ROBO3: variants seen among roughly 807,000 people sequenced by gnomAD.
ROBO3 encodes the protein roundabout guidance receptor 3.
ROBO3 carries 97 observed loss-of-function variants against 160.5 expected under a neutral mutation model. The ratio of observed to expected loss-of-function variants is 0.60; its 90% CI spans 0.51 to 0.72. The LOEUF (loss-of-function observed/expected upper bound fraction) is 0.72. ROBO3 is among the 30% of genes least tolerant of loss of function. The pLI, the probability that ROBO3 is intolerant of heterozygous loss-of-function variation, is 0.00. For synonymous variants in ROBO3, 780 were observed against 746.2 expected, an observed-to-expected ratio of 1.05 and a Z score of -0.74; for missense variants, 1,858 against 1,846.5, an observed-to-expected ratio of 1.01 and a Z score of -0.11.
Position 124,868,804 on chromosome 11 carries a change from T to C in ROBO3, c.163T>C (p.Ser55Pro). Reference protein sequence around the residue: ...LPPGDPSLNGSRVGPEDAMPR... With the variant: ...LPPGDPSLNGPRVGPEDAMPR... ...TCTGCGCCACCCCCTGTCCCCAGGG[T>C]CAAGGGTAGGACCGGAGGACGCTAT... Residue 55 changes from serine to proline, a missense_variant and splice_region_variant, in exon 2 of 28, where the codon TCA becomes CCA. Physicochemically the swap from Ser to Pro is moderately conservative, Grantham distance 74 (BLOSUM62 -1). Transcript: ENST00000397801. The C allele has an allele frequency of 1.2e-6, 2 of 1,607,052 alleles. No individual in the cohort carries two copies. Among genetic ancestry groups the C allele is most frequent in the Non-Finnish European group, 1.7e-6 (2 of 1,177,208 alleles).
intron 27 of ROBO3, 80 bp downstream of exon 27, chr11:124,880,688 T>A: frequency 6.9e-7 from 1 of 1,442,224 alleles, no homozygotes; most frequent in Non-Finnish European, 9.1e-7. Context: ...AACAGGAAGG[T>A]GGGCAAGGGC....
In ROBO3 at chr11:124,865,586, C is replaced by T. The variant is rs1455184840; in HGVS notation, c.9C>T (p.Arg3=). ML[R]YLLKTLLQMN... is the part of the protein sequence containing the mutation. ...CCCAGCTGGGTCGAGCCATGCTGCGCTACCTGCTGAAAACGCTGCTGCAGA... is the reference window on the plus strand; with the variant it reads ...CCCAGCTGGGTCGAGCCATGCTGCGTTACCTGCTGAAAACGCTGCTGCAGA... The change falls in exon 1 of 28, where the codon CGC becomes CGT. Residue 3 remains arginine, a synonymous_variant. Transcript: ENST00000397801. The surrounding 1 kb of genome is among the most constrained non-coding windows in gnomAD (Gnocchi z 5.5). The T allele has an allele frequency of 6.2e-7, 1 of 1,611,728 alleles. No homozygotes were observed. The highest frequency in any genetic ancestry group is 8.5e-7 in the Non-Finnish European group (1 of 1,179,730).
In ROBO3 at chr11:124,873,625, T is replaced by A. The variant is rs1946308193; in HGVS notation, c.1619-72T>A. Reference sequence around the variant, plus strand: ...GCAGCTCAGAGCTCCATAGCTCCCCTGGTAAGGAGACAGGTTACACTAGGA... The same window carrying A: ...GCAGCTCAGAGCTCCATAGCTCCCCAGGTAAGGAGACAGGTTACACTAGGA... On this transcript the variant is annotated intron_variant, in intron 10 of 27. Coordinates refer to ENST00000397801, the MANE Select transcript of ROBO3 (RefSeq NM_022370.4). This position sits in a 1 kb window ranked among gnomAD's most constrained non-coding sequence, Gnocchi z 4.5. 1 of 1,421,400 alleles carries A rather than the reference T, an allele frequency of 7.0e-7. No homozygotes were observed. The highest frequency in any genetic ancestry group is 1.4e-5 in the African/African-American group (1 of 70,440). 88.0% of individuals were successfully genotyped at this position (1,421,400 alleles called of 1,614,324 possible). A position where few individuals can be genotyped will look rare whatever the true frequency, so the allele number is the denominator to read the frequency against.
intron 12 of ROBO3, 114 bp from the exon 13 acceptor site, chr11:124,874,674 G>C: frequency 1.6e-6 from 2 of 1,265,032 alleles, no homozygotes. Context: ...TCCTGACCAT[G>C]GGGTGTGCTC....
chr11:124,875,031 A>G, intron 13 of ROBO3, 80 bp from the exon 14 acceptor site: 2 of 1,510,116 alleles, frequency 1.3e-6, no homozygotes, highest in Non-Finnish European at 8.9e-7. Context: ...GAGTGGGAGG[A>G]GGGGCTGGGC....
At chr11:124,880,666 G>T in intron 27 of ROBO3, 58 bp downstream of exon 27, 1 of 1,458,292 alleles carries the variant, frequency 6.9e-7, no homozygotes, top group South Asian at 1.4e-5. Context: ...GGTGGACCAA[G>T]GCGTAATGGA....
At position 124,878,861 on chromosome 11, in the gene ROBO3, T is replaced by C. The variant is rs144412658; in HGVS notation, c.3533+65T>C. On this transcript the variant is annotated intron_variant, in intron 23 of 27. Coordinates refer to ENST00000397801, the MANE Select transcript of ROBO3 (RefSeq NM_022370.4). This position sits in a 1 kb window ranked among gnomAD's most constrained non-coding sequence, Gnocchi z 4.3. Reference sequence around the variant, plus strand: ...TATACGTATCTACTCAGTAGATGACTGGGTGGGTGGATGGATGGATGGGTG... The same window carrying C: ...TATACGTATCTACTCAGTAGATGACCGGGTGGGTGGATGGATGGATGGGTG... The C allele has an allele frequency of 8.7e-5, 116 of 1,340,776 alleles. No individual in the cohort carries two copies. The Middle Eastern group carries it at 1.8e-3, about 21-fold the overall frequency. The allele number at this position is 1,340,776 out of a possible 1,614,324, so 83.1% of individuals were successfully genotyped here. A position where few individuals can be genotyped will look rare whatever the true frequency, so the allele number is the denominator to read the frequency against.
rs1347583561 is a variant in ROBO3, at chr11:124,872,063, C to T, written c.1159-318C>T. ...GTGTTAGAAGACTTTCATATGATTA[C>T]TTCATGTGATCTTTATAACTATCCT... On this transcript the variant is annotated intron_variant, in intron 7 of 27. Coordinates refer to ENST00000397801, the MANE Select transcript of ROBO3 (RefSeq NM_022370.4). This position sits in a 1 kb window ranked among gnomAD's most constrained non-coding sequence, Gnocchi z 4.3. Among the ~76,000 whole-genome samples, 1 of 152,196 alleles carries T rather than the reference C, an allele frequency of 6.6e-6. No individual in the cohort carries two copies. Among genetic ancestry groups the T allele is most frequent in the Non-Finnish European group, 1.5e-5 (1 of 68,046 alleles).
At position 124,878,634 on chromosome 11, in the gene ROBO3, C is replaced by CG; in HGVS notation, c.3373dup (p.Glu1125GlyfsTer38). The CG allele has an allele frequency of 6.2e-7, 1 of 1,613,162 alleles. No homozygotes were observed. Among genetic ancestry groups the CG allele is most frequent in the Non-Finnish European group, 8.5e-7 (1 of 1,179,572 alleles). On this transcript the variant is annotated frameshift_variant, in exon 23 of 28. Coordinates refer to ENST00000397801, the MANE Select transcript of ROBO3 (RefSeq NM_022370.4). LOFTEE classifies it high-confidence loss of function. This position sits in a 1 kb window ranked among gnomAD's most constrained non-coding sequence, Gnocchi z 4.3. ...CCAATGCCTGAGAGAAGTCACCTGA[C>CG]GGAGCCCAGCTCCAGTGGAGGGTGC...
In ROBO3 at chr11:124,869,553, C is replaced by A; in HGVS notation, c.591C>A (p.Ser197=). ...CCCCCCGCGGCCACCCGGAGCCTTC[C>A]GTGTCCTGGAGGAAGGACGGTGCAA... The part of the protein sequence containing the change: ...CVPPRGHPEP[S]VSWRKDGARL... The change falls in exon 3 of 28, where the codon TCC becomes TCA. Residue 197 remains serine, a synonymous_variant. Transcript: ENST00000397801. The surrounding 1 kb of genome is among the most constrained non-coding windows in gnomAD (Gnocchi z 4.2). 1.3e-6 allele frequency: 2 copies of A among 1,569,258 alleles called. No individual in the cohort carries two copies. Among genetic ancestry groups the A allele is most frequent in the Non-Finnish European group, 1.7e-6 (2 of 1,157,094 alleles).
At position 124,875,564 on chromosome 11, in the gene ROBO3, C is replaced by A. The variant is rs199533976; in HGVS notation, c.2300C>A (p.Ala767Asp). ...CTCACCATGCTCCACCCTGGCCCAG[C>A]CCCCAGTGGCCCCCCACAGGGAGTG... is the stretch of plus-strand genomic sequence containing the variant. ...LSVTRSIPEE[A>D]PSGPPQGVAV... is the part of the protein sequence containing the mutation. The change falls in exon 15 of 28, where the codon GCC (alanine) becomes GAC (aspartate). Residue 767 changes from alanine to aspartate, a missense_variant and splice_region_variant. Ala to Asp is a moderately radical substitution (Grantham distance 126, BLOSUM62 -2). Transcript: ENST00000397801. 75 of 1,611,170 alleles carry A rather than the reference C, an allele frequency of 4.7e-5. No homozygotes were observed. The highest frequency in any genetic ancestry group is 5.9e-5 in the Non-Finnish European group (69 of 1,178,898).
At position 124,870,232 on chromosome 11, in the gene ROBO3, A is replaced by G. The variant is rs148640771; in HGVS notation, c.834A>G (p.Leu278=). Residue 278 remains leucine (L), a synonymous_variant, in exon 5 of 28, where the codon CTA becomes CTG. Coordinates refer to ENST00000397801, the MANE Select transcript of ROBO3 (RefSeq NM_022370.4). ...VVLADAPVTF[L]CEVKGDPPPR... is the part of the protein sequence containing the mutation. ...TGGCTGATGCCCCTGTGACTTTCCT[A>G]TGTGAGGTGAAGGGGGATCCCCCAC... The G allele has an allele frequency of 2.0e-5, 33 of 1,614,008 alleles. No homozygotes were observed. The highest frequency in any genetic ancestry group is 1.7e-5 in the Admixed American group (1 of 60,020).
chr11:124,875,811 G>T (rs2135334421), intron 15 of ROBO3, 126 bp downstream of exon 15: 1 of 1,446,664 alleles, frequency 6.9e-7, no homozygotes, highest in East Asian at 2.3e-5. Flanking sequence ...GATGAGTTTA[G>T]GGGAGAAGAG....
rs1180677671 is a variant in ROBO3 at position 124,875,587 on chromosome 11, G to C, written c.2323G>C (p.Val775Leu). Residue 775 changes from valine (V) to leucine (L), a missense_variant, in exon 15 of 28, where the codon GTG (valine) becomes CTG (leucine). Physicochemically the swap from Val to Leu is conservative, Grantham distance 32. Transcript: ENST00000397801. ...EEAPSGPPQGVAVALGGDGNS... is the reference protein window; with the variant it reads ...EEAPSGPPQGLAVALGGDGNS... ...AGCCCCCAGTGGCCCCCCACAGGGA[G>C]TGGCGGTGGCCTTGGGGGGTGATGG... The C allele has an allele frequency of 1.2e-6, 2 of 1,611,886 alleles. No homozygotes were observed. The highest frequency in any genetic ancestry group is 1.7e-6 in the Non-Finnish European group (2 of 1,179,146).
Position 124,873,307 on chromosome 11 carries a change from C to T in ROBO3, c.1537-3C>T. 1 of 1,606,940 alleles carries T rather than the reference C, an allele frequency of 6.2e-7. No individual in the cohort carries two copies. Among genetic ancestry groups the T allele is most frequent in the Non-Finnish European group, 8.5e-7 (1 of 1,176,872 alleles). On this transcript the variant is annotated splice_region_variant and splice_polypyrimidine_tract_variant and intron_variant, in intron 9 of 27. Transcript: ENST00000397801. This position sits in a 1 kb window ranked among gnomAD's most constrained non-coding sequence, Gnocchi z 4.5. ...TTTGCCAGTGCTCTGCCCTCTCTTC[C>T]AGGAGATGGACATGGGCTTCTACAG...
rs1946305597 is a variant in ROBO3 at position 124,873,406 on chromosome 11, TCTTCC to T, written c.1618+19_1618+23del. On this transcript the variant is annotated intron_variant, in intron 10 of 27. Transcript: ENST00000397801. This position sits in a 1 kb window ranked among gnomAD's most constrained non-coding sequence, Gnocchi z 4.5. ...TAAGATGCGGGGTGAGTTTTTTCTT[TCTTCC>T]CTTATTTTGATAATACCTTCCTCCA... The T allele has an allele frequency of 1.2e-6, 2 of 1,603,352 alleles. No individual in the cohort carries two copies. The highest frequency in any genetic ancestry group is 2.2e-5 in the East Asian group (1 of 44,626).
Position 124,872,488 on chromosome 11 carries a change from C to T in ROBO3, c.1266C>T (p.Tyr422=), listed in dbSNP as rs755958174. 33 of 1,613,996 alleles carry T rather than the reference C, an allele frequency of 2.0e-5. No individual in the cohort carries two copies. The highest frequency in any genetic ancestry group is 5.3e-5 in the African/African-American group (4 of 75,036). The change falls in exon 8 of 28, where the codon TAC becomes TAT. Residue 422 remains tyrosine (Y), a synonymous_variant. Coordinates refer to ENST00000397801, the MANE Select transcript of ROBO3 (RefSeq NM_022370.4). This position sits in a 1 kb window ranked among gnomAD's most constrained non-coding sequence, Gnocchi z 4.3. ...TAVQRGDAGY[Y]VCQAVSVAGS... is the part of the protein sequence containing the mutation. Reference sequence around the variant, plus strand: ...TGCAGCGTGGGGATGCTGGGTACTACGTGTGCCAGGCTGTCAGTGTGGCTG... The same window carrying T: ...TGCAGCGTGGGGATGCTGGGTACTATGTGTGCCAGGCTGTCAGTGTGGCTG...
chr11:124,878,086 C>CGCTCCAGGAGA lies in ROBO3; in HGVS notation c.3136_3137insGCTCCAGGAGA (p.Pro1046ArgfsTer26). 6.2e-7 allele frequency: 1 copy of CGCTCCAGGAGA among 1,612,172 alleles called. No homozygotes were observed. The highest frequency in any genetic ancestry group is 8.5e-7 in the Non-Finnish European group (1 of 1,179,396). The stretch of plus-strand genomic sequence containing the variant: ...CCAACATCCCTCAGGAGATCTGGGT[C>CGCTCCAGGAGA]CCTGGAGCCAGTACGCTCCTCCAGA... On this transcript the variant is annotated frameshift_variant, in exon 21 of 28. Coordinates refer to ENST00000397801, the MANE Select transcript of ROBO3 (RefSeq NM_022370.4). LOFTEE classifies it high-confidence loss of function. The surrounding 1 kb of genome is among the most constrained non-coding windows in gnomAD (Gnocchi z 4.3).
In ROBO3 at chr11:124,872,824, G is replaced by A; in HGVS notation, c.1331-60G>A. 1 of 1,390,826 alleles carries A rather than the reference G, an allele frequency of 7.2e-7. No individual in the cohort carries two copies. The highest frequency in any genetic ancestry group is 9.7e-7 in the Non-Finnish European group (1 of 1,034,746). The allele number at this position is 1,390,826 out of a possible 1,614,324, so 86.2% of individuals were successfully genotyped here. The stretch of plus-strand genomic sequence containing the variant: ...GTGAAGGAGCAGAGAATGAGGACAA[G>A]GGGCTGCCCGCGGGGCCCTAAGCTC... On this transcript the variant is annotated intron_variant, in intron 8 of 27. Coordinates refer to ENST00000397801, the MANE Select transcript of ROBO3 (RefSeq NM_022370.4). This position sits in a 1 kb window ranked among gnomAD's most constrained non-coding sequence, Gnocchi z 4.3.
Sources: gnomAD v4.1 joint callset for allele counts (sites outside exome capture counted in the v4.1 genomes callset) on GRCh38, gnomAD v4.1.1 for gene constraint, Gnocchi (gnomAD v3.1) non-coding constraint, MANE v1.5 for transcripts, NCBI Gene and HGNC (gene_info 2026-07-23, HGNC 2026-07-21) for gene names.